Variants in QSOX1 observed in about 807,000 individuals in gnomAD.
QSOX1 encodes the protein sulfhydryl oxidase 1.
In QSOX1, 40 loss-of-function variants were observed where a neutral mutation model predicts 76.1. That is an observed-to-expected ratio of 0.53 (90% CI 0.41 to 0.68). QSOX1 has a LOEUF of 0.68. Ranked by LOEUF, QSOX1 falls within the 30% of genes least tolerant of loss-of-function variation. The pLI, the probability that QSOX1 is intolerant of heterozygous loss-of-function variation, is 0.00. For synonymous variants in QSOX1, 392 were observed against 413.1 expected (o/e 0.95, Z 0.62); for missense variants, 931 against 974.3 (o/e 0.96, Z 0.59).
intron 7 of QSOX1, among the ~76,000 whole-genome samples, chr1:180,185,599 C>T (rs1344184806): frequency 1.3e-5 from 2 of 152,218 alleles, no homozygotes. Flanking sequence ...GCAGCTAAAC[C>T]CTGGTCTTTC....
At chr1:180,166,467 C>G (rs2149231693) in intron 1 of QSOX1, 24 bp from the exon 2 acceptor site, 1 of 1,602,404 alleles carries the variant, frequency 6.2e-7, no homozygotes, top group East Asian at 2.2e-5. Context: ...CTCTTATTTA[C>G]CCCTGGGTTT....
At chr1:180,166,388 G>T in intron 1 of QSOX1, 103 bp from the exon 2 acceptor site, 1 of 846,550 alleles carries the variant, frequency 1.2e-6, no homozygotes, top group South Asian at 1.4e-5. Flanking sequence ...TTGGGATCAG[G>T]TGCTTTGAGG....
chr1:180,196,692 G>T lies in QSOX1; in HGVS notation c.1899G>T (p.Gln633His). ...EHMAELQRNE[Q>H]EQPLGQWHLS... ...TGGCAGAGCTTCAGAGGAATGAGCA[G>T]GAGCAGCCGCTTGGGCAGTGGCACT... The change falls in exon 12 of 12, where the codon CAG becomes CAT. Residue 633 changes from glutamine to histidine, a missense_variant. By Grantham distance (24) the Gln-to-His change is conservative (BLOSUM62 0). Coordinates refer to ENST00000367602, the MANE Select transcript of QSOX1 (RefSeq NM_002826.5). This position sits in a 1 kb window ranked among gnomAD's most constrained non-coding sequence, Gnocchi z 4.1. The T allele has an allele frequency of 6.2e-7, 1 of 1,614,110 alleles. No homozygotes were observed.
Position 180,201,060 on chromosome 1 carries a change from G to C in QSOX1, c.*4023G>C, listed in dbSNP as rs1663627241. 6.6e-6 allele frequency: 1 copy of C among 152,214 alleles called. No individual in the cohort carries two copies. The allele number at this position is 152,214 out of a possible 1,614,324, so 9.4% of individuals were successfully genotyped here. The stretch of plus-strand genomic sequence containing the variant: ...TTAGGCCTCGTTTGAAGGAGGGGAA[G>C]AAACCAGGTTCGTTGGGCGTGACCT... On this transcript the variant is annotated 3_prime_UTR_variant, in exon 12 of 12. Coordinates refer to ENST00000367602, the MANE Select transcript of QSOX1 (RefSeq NM_002826.5).
intron 1 of QSOX1, among the ~76,000 whole-genome samples, chr1:180,161,813 A>G (rs959931094): frequency 6.6e-6 from 1 of 152,228 alleles, no homozygotes. Flanking sequence ...CTTGGTTATC[A>G]GTTTTGCAGA....
At position 180,190,498 on chromosome 1, in the gene QSOX1, C is replaced by T; in HGVS notation, c.1206C>T (p.Gly402=). ...GCQGSEPHFR[G]FPCSLWVLFH... is the part of the protein sequence containing the mutation. ...AGGGGAGTGAGCCGCATTTCCGGGGCTTTCCCTGCTCCCTGTGGGTCCTCT... is the reference window on the plus strand; with the variant it reads ...AGGGGAGTGAGCCGCATTTCCGGGGTTTTCCCTGCTCCCTGTGGGTCCTCT... The change falls in exon 10 of 12, where the codon GGC becomes GGT. Residue 402 remains glycine, a synonymous_variant. Coordinates refer to ENST00000367602, the MANE Select transcript of QSOX1 (RefSeq NM_002826.5). 6.2e-7 allele frequency: 1 copy of T among 1,614,164 alleles called. No homozygotes were observed. Among genetic ancestry groups the T allele is most frequent in the Non-Finnish European group, 8.5e-7 (1 of 1,179,976 alleles).
chr1:180,203,267 G>A lies in QSOX1; in HGVS notation c.*6230G>A, dbSNP rs1663670634. The A allele has an allele frequency of 6.6e-6, 1 of 152,068 alleles. No individual in the cohort carries two copies. Among genetic ancestry groups the A allele is most frequent in the Non-Finnish European group, 1.5e-5 (1 of 68,008 alleles). 9.4% of individuals were successfully genotyped at this position (152,068 alleles called of 1,614,324 possible). A position where few individuals can be genotyped will look rare whatever the true frequency, so the allele number is the denominator to read the frequency against. On this transcript the variant is annotated 3_prime_UTR_variant, in exon 12 of 12. Coordinates refer to ENST00000367602, the MANE Select transcript of QSOX1 (RefSeq NM_002826.5). Reference sequence around the variant, plus strand: ...ATTTTTATAAACATAAGTTACTATTGTTATATATATGCTAACGTTTGTCTA... The same window carrying A: ...ATTTTTATAAACATAAGTTACTATTATTATATATATGCTAACGTTTGTCTA...
At position 180,201,546 on chromosome 1, in the gene QSOX1, C is replaced by T. The variant is rs754054706; in HGVS notation, c.*4509C>T. On this transcript the variant is annotated 3_prime_UTR_variant, in exon 12 of 12. Coordinates refer to ENST00000367602, the MANE Select transcript of QSOX1 (RefSeq NM_002826.5). Reference sequence around the variant, plus strand: ...GGATTCCCACCCCTAGCTTTAAGAACTAAACCAAACTTCAAGAGGAGCAAT... The same window carrying T: ...GGATTCCCACCCCTAGCTTTAAGAATTAAACCAAACTTCAAGAGGAGCAAT... The T allele has an allele frequency of 1.2e-4, 19 of 152,300 alleles. No homozygotes were observed. The East Asian group carries it at 2.7e-3, about 22-fold the overall frequency. 9.4% of individuals were successfully genotyped at this position (152,300 alleles called of 1,614,324 possible).
chr1:180,183,509 G>A (rs917802788), intron 6 of QSOX1, among the ~76,000 whole-genome samples: 1 of 152,208 alleles, frequency 6.6e-6, no homozygotes, highest in African/African-American at 2.4e-5. Flanking sequence ...CTCAGGGCGA[G>A]CTTATGGATG....
intron 7 of QSOX1, among the ~76,000 whole-genome samples, chr1:180,184,967 A>C (rs1437017792): frequency 6.6e-6 from 1 of 152,194 alleles, no homozygotes; most frequent in African/African-American, 2.4e-5. Context: ...CAGTTATGCA[A>C]ACCATTGACG....
At chr1:180,187,197 G>A (rs917170481) in intron 8 of QSOX1, among the ~76,000 whole-genome samples, 1 of 152,204 alleles carries the variant, frequency 6.6e-6, no homozygotes, top group East Asian at 1.9e-4. Context: ...ACATGAATGC[G>A]TGGTGACACT....
chr1:180,166,655 G>A, intron 2 of QSOX1, 64 bp downstream of exon 2: 2 of 1,468,250 alleles, frequency 1.4e-6, no homozygotes, highest in Non-Finnish European at 1.9e-6. Context: ...TAAGGGAAAG[G>A]GACCATGTGG....
rs1199523429 is a variant in QSOX1, at chr1:180,189,679, G to T, written c.1140+5G>T. 1 of 1,611,554 alleles carries T rather than the reference G, an allele frequency of 6.2e-7. No individual in the cohort carries two copies. The highest frequency in any genetic ancestry group is 2.2e-5 in the East Asian group (1 of 44,800). The stretch of plus-strand genomic sequence containing the variant: ...GCCCTGGACGACAGGAAAGAGGTGA[G>T]TCTGGGAAGCAAATAAAGATCTCTC... On this transcript the variant is annotated splice_donor_5th_base_variant and intron_variant, in intron 9 of 11. Coordinates refer to ENST00000367602, the MANE Select transcript of QSOX1 (RefSeq NM_002826.5).
rs1663533636 is a variant in QSOX1 at position 180,197,623 on chromosome 1, G to C, written c.*586G>C. 2 of 507,662 alleles carry C rather than the reference G, an allele frequency of 3.9e-6. No homozygotes were observed. Among genetic ancestry groups the C allele is most frequent in the African/African-American group, 3.9e-5 (2 of 51,834 alleles). The allele number at this position is 507,662 out of a possible 1,614,324, so 31.4% of individuals were successfully genotyped here. ...TCAGGGTGGGGTTTGGAAGCTTCTG[G>C]AAGTCGTGCTGGTCTCCCAGGTGAG... On this transcript the variant is annotated 3_prime_UTR_variant, in exon 12 of 12. Transcript: ENST00000367602.
chr1:180,199,212 G>T lies in QSOX1; in HGVS notation c.*2175G>T, dbSNP rs910383338. 6.6e-6 allele frequency: 1 copy of T among 152,226 alleles called. No individual in the cohort carries two copies. The highest frequency in any genetic ancestry group is 1.9e-4 in the East Asian group (1 of 5,182). The allele number at this position is 152,226 out of a possible 1,614,324, so 9.4% of individuals were successfully genotyped here. ...GCTGCCTTTCACCTTGATTTCCCCA[G>T]GGCTCTCGGCAACATCGATAAACCA... On this transcript the variant is annotated 3_prime_UTR_variant, in exon 12 of 12. Coordinates refer to ENST00000367602, the MANE Select transcript of QSOX1 (RefSeq NM_002826.5).
At chr1:180,181,076 T>G (rs1259750451) in intron 5 of QSOX1, among the ~76,000 whole-genome samples, 1 of 152,168 alleles carries the variant, frequency 6.6e-6, no homozygotes, top group Non-Finnish European at 1.5e-5. Context: ...AGCTGCTATT[T>G]CAGTGTTTCT....
At chr1:180,155,857 C>T (rs892749430) in intron 1 of QSOX1, among the ~76,000 whole-genome samples, 5 of 152,170 alleles carry the variant, frequency 3.3e-5, no homozygotes, top group Non-Finnish European at 7.3e-5. Context: ...TATTTTAAAC[C>T]CATGCACCCA....
chr1:180,191,200 G>T (rs1263706304), intron 10 of QSOX1, among the ~76,000 whole-genome samples: 1 of 152,180 alleles, frequency 6.6e-6, no homozygotes, highest in East Asian at 1.9e-4. Context: ...CTGCGGCTTG[G>T]CTTGGAGGAT....
rs766163044 is a variant in QSOX1, at chr1:180,183,730, A to G, written c.753-186A>G. ...GCTTTCCAGAGCATGTGCAGTGATT[A>G]GAAGGGTTACAGCGAGGCCTGGGTG... On this transcript the variant is annotated intron_variant, in intron 6 of 11. Transcript: ENST00000367602. Among the ~76,000 whole-genome samples the G allele has an allele frequency of 3.9e-5, 6 of 152,334 alleles. No homozygotes were observed. In the South Asian group the frequency reaches 1.0e-3, roughly 26 times the overall value.
Sources: gnomAD v4.1 joint callset for allele counts (sites outside exome capture counted in the v4.1 genomes callset) on GRCh38, gnomAD v4.1.1 for gene constraint, Gnocchi (gnomAD v3.1) non-coding constraint, MANE v1.5 for transcripts, NCBI Gene and HGNC (gene_info 2026-07-23, HGNC 2026-07-21) for gene names.